FNDC3B: variants seen among roughly 807,000 people sequenced by gnomAD.
FNDC3B encodes fibronectin type III domain containing 3B.
In FNDC3B, 12 loss-of-function variants were observed where a neutral mutation model predicts 151.5. The observed-to-expected ratio is 0.08, with a 90% confidence interval of 0.05 to 0.13. FNDC3B has a LOEUF of 0.13. Among genes scored for constraint, FNDC3B ranks in the 10% least tolerant of loss-of-function variants. The pLI is 1.00. For synonymous variants in FNDC3B, 528 were observed against 549.0 expected (o/e 0.96, Z 0.54); for missense variants, 1,214 against 1,505.3 (o/e 0.81, Z 3.20).
intron 3 of FNDC3B, among the ~76,000 whole-genome samples, chr3:172,176,752 G>GA (rs1232723264): frequency 8.5e-5 from 13 of 152,128 alleles, no homozygotes; most frequent in Non-Finnish European, 1.2e-4. Context: ...GCTTGTTAAA[G>GA]AAAAAATTAT....
chr3:172,171,419 C>T (rs1042563321), intron 3 of FNDC3B, among the ~76,000 whole-genome samples: 1 of 152,052 alleles, frequency 6.6e-6, no homozygotes, highest in Non-Finnish European at 1.5e-5. Context: ...CTACTGGAAA[C>T]TTCGATGCCC....
chr3:172,326,049 C>G (rs1022853641), intron 11 of FNDC3B, among the ~76,000 whole-genome samples: 1 of 152,190 alleles, frequency 6.6e-6, no homozygotes, highest in Non-Finnish European at 1.5e-5. Flanking sequence ...TGGTTTCGAA[C>G]TCCTGACCTC....
chr3:172,262,597 T>G (rs896839542), intron 6 of FNDC3B, among the ~76,000 whole-genome samples: 3 of 152,102 alleles, frequency 2.0e-5, no homozygotes, highest in African/African-American at 7.2e-5. Flanking sequence ...GAGAATTTTT[T>G]TTTTTATTTT....
rs1314642425 is a variant in FNDC3B, at chr3:172,157,476, A to C, written c.187+23930A>C. ...ACGGAACTCATTCAGATTTGTAATAATCACTACCATAATTAAAATATGGAG... is the reference window on the plus strand; with the variant it reads ...ACGGAACTCATTCAGATTTGTAATACTCACTACCATAATTAAAATATGGAG... On this transcript the variant is annotated intron_variant, in intron 3 of 25. Coordinates refer to ENST00000415807, the MANE Select transcript of FNDC3B (RefSeq NM_022763.4). Among the ~76,000 whole-genome samples the C allele has an allele frequency of 2.0e-5, 3 of 152,344 alleles. No homozygotes were observed. The East Asian group carries it at 5.8e-4, about 29-fold the overall frequency.
At chr3:172,116,420 C>A (rs1387579759) in intron 2 of FNDC3B, among the ~76,000 whole-genome samples, 1 of 152,168 alleles carries the variant, frequency 6.6e-6, no homozygotes, top group Non-Finnish European at 1.5e-5. Flanking sequence ...TCCCTATTTC[C>A]TGTTTCTCTC....
At chr3:172,324,198 C>T (rs1252743700) in intron 11 of FNDC3B, among the ~76,000 whole-genome samples, 1 of 151,802 alleles carries the variant, frequency 6.6e-6, no homozygotes, top group Non-Finnish European at 1.5e-5. Flanking sequence ...GAGGCAAAGC[C>T]CTTTCTCCCT....
intron 6 of FNDC3B, among the ~76,000 whole-genome samples, chr3:172,262,504 G>A (rs137915446): frequency 5.9e-5 from 9 of 152,276 alleles, no homozygotes; most frequent in African/African-American, 1.4e-4. Flanking sequence ...TACACTATAC[G>A]GAGGTATTAG....
At chr3:172,201,308 G>A (rs1367691723) in intron 3 of FNDC3B, among the ~76,000 whole-genome samples, 1 of 152,146 alleles carries the variant, frequency 6.6e-6, no homozygotes, top group Non-Finnish European at 1.5e-5. Flanking sequence ...GCTTCTGGCT[G>A]CTCTCCAGAC....
At chr3:172,090,658 ATTCTTTACCTT>A (rs1479628637) in intron 1 of FNDC3B, among the ~76,000 whole-genome samples, 4 of 152,094 alleles carry the variant, frequency 2.6e-5, no homozygotes, top group Non-Finnish European at 5.9e-5. Context: ...AAACTAAATT[ATTCTTTACCTT>A]GTGTGATCCG....
At chr3:172,162,532 A>G (rs1722830701) in intron 3 of FNDC3B, among the ~76,000 whole-genome samples, 1 of 152,156 alleles carries the variant, frequency 6.6e-6, no homozygotes, top group African/African-American at 2.4e-5. Context: ...CCTTATGGTA[A>G]CTGTATTTAA....
chr3:172,321,179 T>C (rs1057054597), intron 11 of FNDC3B, among the ~76,000 whole-genome samples: 33 of 152,240 alleles, frequency 2.2e-4, no homozygotes, highest in Middle Eastern at 3.2e-3. Flanking sequence ...TTTTCTTTGT[T>C]GACTCCTGTG....
intron 1 of FNDC3B, among the ~76,000 whole-genome samples, chr3:172,082,846 C>G (rs539266785): frequency 4.6e-5 from 7 of 152,276 alleles, no homozygotes; most frequent in African/African-American, 9.6e-5. Flanking sequence ...AGTTTCACAT[C>G]CAGATGTAGC....
At chr3:172,149,807 T>TTTTTTTG (rs1722118122) in intron 3 of FNDC3B, among the ~76,000 whole-genome samples, 24 of 2,786 alleles carry the variant, frequency 8.6e-3, no homozygotes, top group African/African-American at 0.02. Context: ...ATGTTGGGTG[T>TTTTTTTG]TTTTTTTTTT....
chr3:172,098,638 G>A (rs1719207972), intron 1 of FNDC3B, among the ~76,000 whole-genome samples: 1 of 152,060 alleles, frequency 6.6e-6, no homozygotes. Context: ...AACAATTATG[G>A]CTTAGTATTT....
chr3:172,385,901 A>G (rs1159820891), intron 25 of FNDC3B, among the ~76,000 whole-genome samples: 1 of 152,078 alleles, frequency 6.6e-6, no homozygotes, highest in Admixed American at 6.6e-5. Flanking sequence ...GACAAGTGCC[A>G]TGGCCTTTTC....
At chr3:172,171,757 GC>G (rs1299799792) in intron 3 of FNDC3B, among the ~76,000 whole-genome samples, 1 of 150,924 alleles carries the variant, frequency 6.6e-6, no homozygotes, top group Non-Finnish European at 1.5e-5. Flanking sequence ...AGAGAAAACA[GC>G]TGTATACATT....
chr3:172,366,965 C>T (rs922827335), intron 23 of FNDC3B, among the ~76,000 whole-genome samples: 3 of 152,242 alleles, frequency 2.0e-5, no homozygotes, highest in East Asian at 1.9e-4. Flanking sequence ...CTTTCTTTCC[C>T]CTTAAGTTTG....
At chr3:172,354,444 G>A (rs1733991317) in intron 22 of FNDC3B, among the ~76,000 whole-genome samples, 1 of 151,192 alleles carries the variant, frequency 6.6e-6, no homozygotes, top group Non-Finnish European at 1.5e-5. Context: ...TAAGATATTG[G>A]TATGCCCGTA....
At chr3:172,318,173 G>A (rs762356816) in intron 11 of FNDC3B, among the ~76,000 whole-genome samples, 1 of 152,222 alleles carries the variant, frequency 6.6e-6, no homozygotes, top group Non-Finnish European at 1.5e-5. Context: ...AGTGGACTAA[G>A]AATGAAACAG....
Sources: allele counts gnomAD v4.1 joint callset (sites outside exome capture counted in the v4.1 genomes callset), GRCh38; gene constraint gnomAD v4.1.1; transcripts MANE v1.5; gene names NCBI Gene and HGNC (gene_info 2026-07-23, HGNC 2026-07-21).